SPPL2A: variants seen among roughly 807,000 people sequenced by gnomAD.
The protein encoded by SPPL2A is signal peptide peptidase like 2A.
A neutral mutation model predicts 63.8 loss-of-function variants in SPPL2A; 51 were observed. That is an observed-to-expected ratio of 0.80 (90% CI 0.64 to 1.01). SPPL2A has a LOEUF of 1.01. SPPL2A is among the 50% of genes least tolerant of loss of function. SPPL2A has a pLI of 0.00. For synonymous variants in SPPL2A, 188 were observed against 205.8 expected (o/e 0.91, Z 0.74); for missense variants, 553 against 622.7 (o/e 0.89, Z 1.19).
At chr15:50,757,813 G>A (rs1567168239) in intron 1 of SPPL2A, among the ~76,000 whole-genome samples, 4 of 151,876 alleles carry the variant, frequency 2.6e-5, no homozygotes, top group Admixed American at 2.0e-4. Context: ...GCGAAACCCC[G>A]TCTCTACTAA....
chr15:50,758,278 G>C (rs1176545850), intron 1 of SPPL2A, among the ~76,000 whole-genome samples: 1 of 145,450 alleles, frequency 6.9e-6, no homozygotes, highest in Admixed American at 7.0e-5. Context: ...GACAGAGCGA[G>C]ACTCCATCTC....
rs142484770 is a variant in SPPL2A, at chr15:50,709,660, C to T, written c.1489-1786G>A. Among the ~76,000 whole-genome samples, 275 of 151,962 alleles carry T rather than the reference C, an allele frequency of 1.8e-3. 1 individual carries two copies. Among genetic ancestry groups the T allele is most frequent in the African/African-American group, 6.2e-3 (257 of 41,444 alleles). On this transcript the variant is annotated intron_variant, in intron 14 of 14. Transcript: ENST00000261854. ...CAAAAATTAGCCAAGCGTGGTGGTG[C>T]GCCTGTAATCCCAAACCTACTCGGG...
chr15:50,742,507 T>C (rs2062830490), intron 5 of SPPL2A, among the ~76,000 whole-genome samples: 2 of 152,174 alleles, frequency 1.3e-5, no homozygotes, highest in African/African-American at 4.8e-5. Flanking sequence ...GGTTGTGAGG[T>C]CCTGTTCTGG....
At chr15:50,739,137 T>G (rs570070687) in intron 6 of SPPL2A, among the ~76,000 whole-genome samples, 2 of 150,534 alleles carry the variant, frequency 1.3e-5, no homozygotes, top group South Asian at 4.2e-4. Flanking sequence ...AAGTCATCCA[T>G]GAAGAAGTGT....
Position 50,732,668 on chromosome 15 carries a change from G to A in SPPL2A, c.949C>T (p.Gln317Ter). The change falls in exon 9 of 15, where the codon CAG becomes TAG. Residue 317 changes from glutamine (Q) to a stop codon, truncating the protein, a stop_gained. Transcript: ENST00000261854. LOFTEE classifies it high-confidence loss of function. ...CAGAAAGCAATCCCCAAGATATCCTGTAAAATCCAAGCCCACCTAAAATCA... is the reference window on the plus strand; with the variant it reads ...CAGAAAGCAATCCCCAAGATATCCTATAAAATCCAAGCCCACCTAAAATCA... ...RNEDRWAWILQDILGIAFCLN... is the reference protein window; with the variant it reads ...RNEDRWAWIL The A allele has an allele frequency of 6.2e-7, 1 of 1,609,790 alleles. No homozygotes were observed. The highest frequency in any genetic ancestry group is 8.5e-7 in the Non-Finnish European group (1 of 1,176,908).
intron 14 of SPPL2A, among the ~76,000 whole-genome samples, chr15:50,709,462 C>CA (rs2062539813): frequency 6.6e-6 from 1 of 152,128 alleles, no homozygotes; most frequent in South Asian, 2.1e-4. Flanking sequence ...AGGCTTTTGG[C>CA]TGACAACTGT....
chr15:50,715,750 T>G (rs2062594999), intron 14 of SPPL2A, among the ~76,000 whole-genome samples: 1 of 152,122 alleles, frequency 6.6e-6, no homozygotes, highest in African/African-American at 2.4e-5. Flanking sequence ...TCAGTAAAGG[T>G]CTATGTAAAA....
rs1166408047 is a variant in SPPL2A at position 50,761,022 on chromosome 15, GTT to G, written c.66+4444_66+4445del. Among the ~76,000 whole-genome samples the G allele has an allele frequency of 2.8e-5, 4 of 144,214 alleles. No individual in the cohort carries two copies. In the East Asian group the frequency reaches 6.4e-4, roughly 23 times the overall value. 94.6% of individuals were successfully genotyped at this position (144,214 alleles called of 152,430 possible). The stretch of plus-strand genomic sequence containing the variant: ...TTCATTTGTGTGTGTGTGTGTGTGT[GTT>G]TTTAGAGACATGGTCTTCTCTGTCA... On this transcript the variant is annotated intron_variant, in intron 1 of 14. Transcript: ENST00000261854.
In SPPL2A at chr15:50,756,873, T is replaced by G. The variant is rs889774096; in HGVS notation, c.67-7127A>C. ...TCTCTAAAACCGAGATCAGTAGTCT[T>G]TGAAATCTGCTGTCACTTCAAGTCC... On this transcript the variant is annotated intron_variant, in intron 1 of 14. Transcript: ENST00000261854. 2.6e-5 allele frequency among the ~76,000 whole-genome samples: 4 copies of G among 152,152 alleles called. No homozygotes were observed. In the East Asian group the frequency reaches 5.8e-4, roughly 22 times the overall value.
rs2062490151 is a variant in SPPL2A, at chr15:50,703,356, A to ACATATATAT, written c.*4443_*4444insATATATATG. 69 of 62,042 alleles carry ACATATATAT rather than the reference A, an allele frequency of 1.1e-3. No homozygotes were observed. Among genetic ancestry groups the ACATATATAT allele is most frequent in the Non-Finnish European group, 1.5e-3 (52 of 35,138 alleles). 3.8% of individuals were successfully genotyped at this position (62,042 alleles called of 1,614,324 possible). On this transcript the variant is annotated 3_prime_UTR_variant, in exon 15 of 15. Transcript: ENST00000261854. ...TATATATATATATATACATATATAT[A>ACATATATAT]TTTTTTTTTTTTTTTTTTTTTTTTG...
Position 50,707,135 on chromosome 15 carries a change from T to G in SPPL2A, c.*665A>C, listed in dbSNP as rs12912841. 0.095 allele frequency: 14,509 copies of G among 152,156 alleles called. 772 individuals are homozygous for G. The highest frequency in any genetic ancestry group is 0.15 in the South Asian group (727 of 4,818). 9.4% of individuals were successfully genotyped at this position (152,156 alleles called of 1,614,324 possible). A position where few individuals can be genotyped will look rare whatever the true frequency, so the allele number is the denominator to read the frequency against. ...ATATAATTTGCATAAATCTTTTTTT[T>G]TGGGATGGAGTCTCACTCTGTCGCC... On this transcript the variant is annotated 3_prime_UTR_variant, in exon 15 of 15. Transcript: ENST00000261854.
At position 50,758,851 on chromosome 15, in the gene SPPL2A, GT is replaced by G. The variant is rs2062984426; in HGVS notation, c.66+6616del. On this transcript the variant is annotated intron_variant, in intron 1 of 14. Transcript: ENST00000261854. ...TTTTCATAAACGGACCAAATTCCAG[GT>G]GATTTTAAACAACTGATCAAATATA... Among the ~76,000 whole-genome samples, 15 of 152,122 alleles carry G rather than the reference GT, an allele frequency of 9.9e-5. No individual in the cohort carries two copies. In the South Asian group the frequency reaches 2.9e-3, roughly 29 times the overall value.
intron 1 of SPPL2A, among the ~76,000 whole-genome samples, chr15:50,754,409 T>C (rs1272237171): frequency 6.6e-5 from 10 of 152,346 alleles, no homozygotes; most frequent in Middle Eastern, 3.4e-3. Flanking sequence ...CTAAAATTCC[T>C]CAGTGCTCTA....
intron 14 of SPPL2A, among the ~76,000 whole-genome samples, chr15:50,709,176 C>G (rs1202437942): frequency 6.6e-6 from 1 of 152,092 alleles, no homozygotes; most frequent in African/African-American, 2.4e-5. Context: ...TTCAGCAACT[C>G]AAATACAATT....
rs2062494616 is a variant in SPPL2A, at chr15:50,704,229, C to T, written c.*3571G>A. ...TGGTGGCACATGCCTATAATCCCAG[C>T]TACTCAGGAGGCTGAGTCAGGAGAA... On this transcript the variant is annotated 3_prime_UTR_variant, in exon 15 of 15. Coordinates refer to ENST00000261854, the MANE Select transcript of SPPL2A (RefSeq NM_032802.4). 1 of 151,808 alleles carries T rather than the reference C, an allele frequency of 6.6e-6. No individual in the cohort carries two copies. Among genetic ancestry groups the T allele is most frequent in the African/African-American group, 2.4e-5 (1 of 41,302 alleles). The allele number at this position is 151,808 out of a possible 1,614,324, so 9.4% of individuals were successfully genotyped here. A position where few individuals can be genotyped will look rare whatever the true frequency, so the allele number is the denominator to read the frequency against.
chr15:50,749,849 G>A (rs1227398215), intron 1 of SPPL2A, 103 bp from the exon 2 acceptor site: 18 of 716,568 alleles, frequency 2.5e-5, no homozygotes, highest in Non-Finnish European at 3.0e-5. Context: ...ACATTTCCTT[G>A]AGAGGGATGG....
chr15:50,716,323 T>C (rs2141021537), intron 14 of SPPL2A, among the ~76,000 whole-genome samples: 1 of 152,114 alleles, frequency 6.6e-6, no homozygotes. Context: ...GCCTCCCAAG[T>C]AGCTGGGATT....
At chr15:50,739,021 A>C (rs1440057005) in intron 6 of SPPL2A, among the ~76,000 whole-genome samples, 2 of 152,118 alleles carry the variant, frequency 1.3e-5, no homozygotes, top group Non-Finnish European at 2.9e-5. Flanking sequence ...CTTCTATTTC[A>C]TGTAACTAAA....
intron 12 of SPPL2A, 49 bp downstream of exon 12, chr15:50,725,172 A>T: frequency 9.2e-7 from 1 of 1,088,402 alleles, no homozygotes; most frequent in Non-Finnish European, 1.4e-6. Context: ...ATGACGATTT[A>T]AAATCATCAG....
Sources: gnomAD v4.1 joint callset for allele counts (sites outside exome capture counted in the v4.1 genomes callset) on GRCh38, gnomAD v4.1.1 for gene constraint, MANE v1.5 for transcripts, NCBI Gene and HGNC (gene_info 2026-07-23, HGNC 2026-07-21) for gene names.